Variants in FBXO31 observed in about 807,000 individuals in gnomAD.
FBXO31 encodes the protein F-box only protein 31.
Under a neutral mutation model 54.4 loss-of-function variants are expected in FBXO31, and 24 were observed. The observed-to-expected ratio is 0.44, with a 90% CI of 0.32 to 0.62. The LOEUF is 0.62. Ranked by LOEUF, FBXO31 falls within the 20% of genes least tolerant of loss-of-function variation. The pLI is 0.05. For missense variants in FBXO31, 665 were observed against 787.1 expected (o/e 0.84, Z 1.86); for synonymous variants, 388 against 335.6 (o/e 1.16, Z -1.71).
At chr16:87,379,984 C>T (rs112354615) in intron 1 of FBXO31, among the ~76,000 whole-genome samples, 2 of 144,962 alleles carry the variant, frequency 1.4e-5, no homozygotes, top group African/African-American at 5.2e-5. Context: ...GGCAAGAGAG[C>T]GAGACTCCGC....
At chr16:87,347,662 A>G (rs2150677279) in intron 2 of FBXO31, among the ~76,000 whole-genome samples, 1 of 147,306 alleles carries the variant, frequency 6.8e-6, no homozygotes, top group South Asian at 2.3e-4. Flanking sequence ...CCCGGGCGAC[A>G]GAGGGAAACT....
rs576514199 is a variant in FBXO31 at position 87,346,137 on chromosome 16, T to G, written c.489+1037A>C. On this transcript the variant is annotated intron_variant, in intron 3 of 8. Coordinates refer to ENST00000311635, the MANE Select transcript of FBXO31 (RefSeq NM_024735.5). This position sits in a 1 kb window ranked among gnomAD's most constrained non-coding sequence, Gnocchi z 4.2. ...GCCTCCGGCTGGGCCCTACAGAGGG[T>G]TGTGTCCTGGGAAGGAGAGAGACCC... Among the ~76,000 whole-genome samples the G allele has an allele frequency of 6.6e-6, 1 of 151,902 alleles. No individual in the cohort carries two copies. The highest frequency in any genetic ancestry group is 1.5e-5 in the Non-Finnish European group (1 of 67,958).
chr16:87,357,353 G>T (rs1218931865), intron 2 of FBXO31, among the ~76,000 whole-genome samples: 1 of 135,550 alleles, frequency 7.4e-6, no homozygotes, highest in Admixed American at 8.1e-5. Flanking sequence ...TTTTGAGACA[G>T]AGTCTCGCTC....
intron 7 of FBXO31, among the ~76,000 whole-genome samples, chr16:87,334,885 C>T (rs1390060991): frequency 6.6e-6 from 1 of 152,154 alleles, no homozygotes; most frequent in Non-Finnish European, 1.5e-5. Context: ...AGGAGAGGAG[C>T]TGCTGAAGCT....
At chr16:87,348,790 G>A (rs1036381304) in intron 2 of FBXO31, among the ~76,000 whole-genome samples, 1 of 152,236 alleles carries the variant, frequency 6.6e-6, no homozygotes, top group Non-Finnish European at 1.5e-5. Context: ...CAGAGCAGCA[G>A]GCAGGACCAG....
At chr16:87,368,807 T>C (rs888772736) in intron 1 of FBXO31, among the ~76,000 whole-genome samples, 3 of 152,178 alleles carry the variant, frequency 2.0e-5, no homozygotes, top group African/African-American at 7.2e-5. Context: ...TTTTGTTTAT[T>C]TGTCTTTTTG....
chr16:87,343,654 C>A lies in FBXO31; in HGVS notation c.601G>T (p.Ala201Ser). 1.2e-6 allele frequency: 2 copies of A among 1,613,916 alleles called. No individual in the cohort carries two copies. The highest frequency in any genetic ancestry group is 1.7e-6 in the Non-Finnish European group (2 of 1,179,954). Residue 201 changes from alanine to serine, a missense_variant, in exon 4 of 9, where the codon GCT (alanine) becomes TCT (serine). Coordinates refer to ENST00000311635, the MANE Select transcript of FBXO31 (RefSeq NM_024735.5). ...CCGTACATGCACTCCACTGTGGCAG[C>A]CTTCCTCTCCATCAGGTGGATCCTG... ...LFRIHLMERK[A>S]ATVECMYGHK...
Position 87,330,092 on chromosome 16 carries a change from C to G in FBXO31, c.*1196G>C, listed in dbSNP as rs1003309660. 3 of 152,458 alleles carry G rather than the reference C, an allele frequency of 2.0e-5. No individual in the cohort carries two copies. The highest frequency in any genetic ancestry group is 4.4e-5 in the Non-Finnish European group (3 of 68,210). The allele number at this position is 152,458 out of a possible 1,614,324, so 9.4% of individuals were successfully genotyped here. A position where few individuals can be genotyped will look rare whatever the true frequency, so the allele number is the denominator to read the frequency against. ...TGGGGACGCCCACTCGGGCACGGAG[C>G]TGGCTGTGGGCTGGGGGAAGGGCCA... On this transcript the variant is annotated 3_prime_UTR_variant, in exon 9 of 9. Coordinates refer to ENST00000311635, the MANE Select transcript of FBXO31 (RefSeq NM_024735.5).
At position 87,328,061 on chromosome 16, in the gene FBXO31, T is replaced by G. The variant is rs958139571; in HGVS notation, c.*3227A>C. 6.6e-6 allele frequency: 1 copy of G among 152,230 alleles called. No homozygotes were observed. Among genetic ancestry groups the G allele is most frequent in the Non-Finnish European group, 1.5e-5 (1 of 68,104 alleles). 9.4% of individuals were successfully genotyped at this position (152,230 alleles called of 1,614,324 possible). On this transcript the variant is annotated 3_prime_UTR_variant, in exon 9 of 9. Transcript: ENST00000311635. ...AGGCGTTCTGAAGTAACAAAGGGGC[T>G]GAGGAGTTTCTGCTGCTGTCCGTGA... is the stretch of plus-strand genomic sequence containing the variant.
intron 1 of FBXO31, among the ~76,000 whole-genome samples, chr16:87,360,756 C>A (rs773472077): frequency 1.3e-5 from 2 of 152,224 alleles, no homozygotes; most frequent in African/African-American, 2.4e-5. Context: ...AGGGTTCAGA[C>A]AGTGCCAGAG....
In FBXO31 at chr16:87,383,309, C is replaced by G; in HGVS notation, c.340+96G>C. ...GGCCCCGCGCCCAACTGGTGGCCCC[C>G]GGCCGGGGCCACCGCCCCCGCCACT... On this transcript the variant is annotated intron_variant, in intron 1 of 8. Transcript: ENST00000311635. This position sits in a 1 kb window ranked among gnomAD's most constrained non-coding sequence, Gnocchi z 4.9. The G allele has an allele frequency of 4.2e-6, 5 of 1,202,012 alleles. No individual in the cohort carries two copies. The highest frequency in any genetic ancestry group is 2.9e-4 in the Middle Eastern group (1 of 3,420). 74.5% of individuals were successfully genotyped at this position (1,202,012 alleles called of 1,614,324 possible).
intron 1 of FBXO31, among the ~76,000 whole-genome samples, chr16:87,374,939 T>C (rs1253048347): frequency 1.3e-5 from 2 of 152,156 alleles, no homozygotes; most frequent in African/African-American, 4.8e-5. Context: ...TCCCAACACT[T>C]TGAGAGGCCG....
chr16:87,338,152 A>C lies in FBXO31; in HGVS notation c.733-1888T>G, dbSNP rs1905087325. ...AGAGGTCCAAGCAACGGGACCACCA[A>C]CCAGACCCTGTTACCCAGAATAAGG... On this transcript the variant is annotated intron_variant, in intron 5 of 8. Coordinates refer to ENST00000311635, the MANE Select transcript of FBXO31 (RefSeq NM_024735.5). This position sits in a 1 kb window ranked among gnomAD's most constrained non-coding sequence, Gnocchi z 4.3. Among the ~76,000 whole-genome samples, 1 of 152,116 alleles carries C rather than the reference A, an allele frequency of 6.6e-6. No homozygotes were observed. Among genetic ancestry groups the C allele is most frequent in the East Asian group, 1.9e-4 (1 of 5,164 alleles).
chr16:87,390,502 A>T (rs1249625255), upstream of FBXO31, among the ~76,000 whole-genome samples: 2 of 150,898 alleles, frequency 1.3e-5, no homozygotes, highest in Non-Finnish European at 3.0e-5. Flanking sequence ...GTGCAGTGGC[A>T]GGATCTTGGC....
chr16:87,373,538 C>CTT (rs34487839), intron 1 of FBXO31, among the ~76,000 whole-genome samples: 46 of 146,850 alleles, frequency 3.1e-4, no homozygotes, highest in South Asian at 2.3e-3. Context: ...GCCAACTTTT[C>CTT]TTTTTTTTTT....
chr16:87,371,976 C>T lies in FBXO31; in HGVS notation c.340+11429G>A, dbSNP rs143475844. 1.7e-3 allele frequency among the ~76,000 whole-genome samples: 253 copies of T among 152,040 alleles called. 1 individual carries two copies. The highest frequency in any genetic ancestry group is 5.8e-3 in the African/African-American group (241 of 41,450). ...CAGTGGCTCATGTATGTAATCCCAG[C>T]ACTTTAGGAGGCCGAGGTGGGCAGA... On this transcript the variant is annotated intron_variant, in intron 1 of 8. Transcript: ENST00000311635.
In FBXO31 at chr16:87,336,241, C is replaced by T. The variant is rs779541673; in HGVS notation, c.756G>A (p.Glu252=). The change falls in exon 6 of 9, where the codon GAG becomes GAA. Residue 252 remains glutamate (E), a synonymous_variant. Transcript: ENST00000311635. The surrounding 1 kb of genome is among the most constrained non-coding windows in gnomAD (Gnocchi z 6.5). The part of the protein sequence containing the change: ...RQEEFRTWLR[E]EWGRTLEDIF... Reference sequence around the variant, plus strand: ...TGTCCTCCAGCGTGCGCCCCCATTCCTCCCTCAGCCACGTCCGAAACTCCT... The same window carrying T: ...TGTCCTCCAGCGTGCGCCCCCATTCTTCCCTCAGCCACGTCCGAAACTCCT... 3 of 1,614,088 alleles carry T rather than the reference C, an allele frequency of 1.9e-6. No homozygotes were observed. Among genetic ancestry groups the T allele is most frequent in the African/African-American group, 1.3e-5 (1 of 74,946 alleles).
intron 2 of FBXO31, among the ~76,000 whole-genome samples, chr16:87,357,762 C>T (rs1905959865): frequency 6.6e-6 from 1 of 152,108 alleles, no homozygotes; most frequent in Non-Finnish European, 1.5e-5. Flanking sequence ...GAAACCCCAT[C>T]TCTACTAAAA....
rs1318017276 is a variant in FBXO31 at position 87,345,212 on chromosome 16, C to G, written c.490-1447G>C. On this transcript the variant is annotated intron_variant, in intron 3 of 8. Coordinates refer to ENST00000311635, the MANE Select transcript of FBXO31 (RefSeq NM_024735.5). This position sits in a 1 kb window ranked among gnomAD's most constrained non-coding sequence, Gnocchi z 4.9. ...CACCAGCACCGGATTTTCAACACAGCAAGAACGATGGCAACAGTGACACCT... is the reference window on the plus strand; with the variant it reads ...CACCAGCACCGGATTTTCAACACAGGAAGAACGATGGCAACAGTGACACCT... Among the ~76,000 whole-genome samples the G allele has an allele frequency of 6.6e-6, 1 of 152,154 alleles. No homozygotes were observed. The highest frequency in any genetic ancestry group is 1.9e-4 in the East Asian group (1 of 5,196).
Sources: allele counts gnomAD v4.1 joint callset (sites outside exome capture counted in the v4.1 genomes callset), GRCh38; gene constraint gnomAD v4.1.1; non-coding constraint Gnocchi (gnomAD v3.1); transcripts MANE v1.5; gene names NCBI Gene and HGNC (gene_info 2026-07-23, HGNC 2026-07-21).